DNAH14: variants seen among roughly 807,000 people sequenced by gnomAD.
The protein encoded by DNAH14 is axonemal beta dynein heavy chain 14.
DNAH14 carries 478 observed loss-of-function variants against 520.9 expected under a neutral mutation model. The observed-to-expected ratio is 0.92, with a 90% CI of 0.85 to 0.99. The LOEUF (loss-of-function observed/expected upper bound fraction) is 0.99. Among genes scored for constraint, DNAH14 ranks in the 50% least tolerant of loss-of-function variants. DNAH14 has a pLI of 0.00. For missense variants in DNAH14, 4,831 were observed against 5,234.5 expected (o/e 0.92, Z 2.38); for synonymous variants, 1,581 against 1,757.2 (o/e 0.90, Z 2.51).
At chr1:225,003,036 C>A in intron 9 of DNAH14, 109 bp downstream of exon 9, 1 of 1,004,186 alleles carries the variant, frequency 1.0e-6, no homozygotes, top group Non-Finnish European at 1.4e-6. Flanking sequence ...AATAAACCAT[C>A]TCTTTCGATT....
At chr1:225,058,524 A>C (rs566050471) in intron 17 of DNAH14, among the ~76,000 whole-genome samples, 3 of 152,082 alleles carry the variant, frequency 2.0e-5, no homozygotes, top group Admixed American at 6.5e-5. Context: ...TTGTGTCTCT[A>C]TGTCCTTCAT....
At chr1:225,089,017 ATTTAAT>A (rs2074078830) in intron 21 of DNAH14, among the ~76,000 whole-genome samples, 1 of 152,200 alleles carries the variant, frequency 6.6e-6, no homozygotes, top group Non-Finnish European at 1.5e-5. Flanking sequence ...TTTTTAAGGA[ATTTAAT>A]TTCATTTAAG....
At position 224,952,699 on chromosome 1, in the gene DNAH14, A is replaced by C. The variant is rs569798175; in HGVS notation, c.-4A>C. On this transcript the variant is annotated 5_prime_UTR_variant, in exon 2 of 86. Transcript: ENST00000682510. ...TTCCTTTATAGTTTTGTTCAGAAAA[A>C]CATATGGAGACGTTTATACCCATTG... is the stretch of plus-strand genomic sequence containing the variant. 1.9e-6 allele frequency: 3 copies of C among 1,572,984 alleles called. No individual in the cohort carries two copies. Among genetic ancestry groups the C allele is most frequent in the Non-Finnish European group, 2.6e-6 (3 of 1,165,198 alleles).
At chr1:225,024,435 C>A in intron 11 of DNAH14, 1 of 179,668 alleles carries the variant, frequency 5.6e-6, no homozygotes, top group Non-Finnish European at 1.1e-5. Context: ...TCTACTGTAA[C>A]TGGTGAAACA....
intron 46 of DNAH14, among the ~76,000 whole-genome samples, chr1:225,261,003 A>C (rs1289722826): frequency 6.6e-6 from 1 of 152,188 alleles, no homozygotes; most frequent in Non-Finnish European, 1.5e-5. Context: ...ATATCTTGCA[A>C]CTTTATTGCA....
chr1:225,166,528 T>A (rs1211418637), intron 35 of DNAH14, among the ~76,000 whole-genome samples: 1 of 152,220 alleles, frequency 6.6e-6, no homozygotes, highest in Non-Finnish European at 1.5e-5. Context: ...TTATTTAATG[T>A]TGCATTTTTG....
rs1044322349 is a variant in DNAH14, at chr1:224,953,352, C to T, written c.77+573C>T. Among the ~76,000 whole-genome samples, 7 of 152,012 alleles carry T rather than the reference C, an allele frequency of 4.6e-5. No homozygotes were observed. The East Asian group carries it at 1.4e-3, about 29-fold the overall frequency. ...TTTTGGCCAGGCTGGTCTTGAACACCTGACCTCGTGATCCACCCGCCTCGG... is the reference window on the plus strand; with the variant it reads ...TTTTGGCCAGGCTGGTCTTGAACACTTGACCTCGTGATCCACCCGCCTCGG... On this transcript the variant is annotated intron_variant, in intron 2 of 85. Transcript: ENST00000682510.
chr1:225,050,407 T>A, intron 16 of DNAH14, 31 bp downstream of exon 16: 1 of 1,514,124 alleles, frequency 6.6e-7, no homozygotes, highest in Non-Finnish European at 8.8e-7. Flanking sequence ...TTTTAGGAAA[T>A]GTTTAAGGAG....
chr1:225,383,119 GT>G (rs2095800656), intron 81 of DNAH14, among the ~76,000 whole-genome samples: 1 of 152,144 alleles, frequency 6.6e-6, no homozygotes, highest in South Asian at 2.1e-4. Context: ...GACTACAGTG[GT>G]AGTTGCACAA....
Position 225,127,268 on chromosome 1 carries a change from A to C in DNAH14, c.4254+3654A>C, listed in dbSNP as rs1437470684. ...GTTCAATTCCTGGATATCCTTGTTAACTTTCTGTCTCGTTGATCTGTCTAA... is the reference window on the plus strand; with the variant it reads ...GTTCAATTCCTGGATATCCTTGTTACCTTTCTGTCTCGTTGATCTGTCTAA... On this transcript the variant is annotated intron_variant, in intron 27 of 85. Coordinates refer to ENST00000682510, the MANE Select transcript of DNAH14 (RefSeq NM_001367479.1). 1.5e-4 allele frequency among the ~76,000 whole-genome samples: 23 copies of C among 151,736 alleles called. No homozygotes were observed. In the East Asian group the frequency reaches 4.4e-3, roughly 29 times the overall value.
At chr1:224,949,764 T>G (rs917890536) in intron 1 of DNAH14, among the ~76,000 whole-genome samples, 5 of 152,206 alleles carry the variant, frequency 3.3e-5, no homozygotes, top group East Asian at 1.9e-4. Context: ...TCTTCAAGAC[T>G]TAATACATTA....
intron 15 of DNAH14, among the ~76,000 whole-genome samples, chr1:225,045,480 CG>C (rs1247747138): frequency 6.6e-6 from 1 of 151,974 alleles, no homozygotes; most frequent in Non-Finnish European, 1.5e-5. Context: ...GATCTAATCC[CG>C]GATCACACAT....
At chr1:224,956,005 C>A (rs563930605) in intron 3 of DNAH14, among the ~76,000 whole-genome samples, 4 of 152,012 alleles carry the variant, frequency 2.6e-5, no homozygotes, top group Non-Finnish European at 5.9e-5. Context: ...CGTGGCTAAT[C>A]TTTATAAAAT....
intron 36 of DNAH14, among the ~76,000 whole-genome samples, chr1:225,169,165 C>T (rs1054665111): frequency 6.6e-6 from 1 of 152,042 alleles, no homozygotes; most frequent in Non-Finnish European, 1.5e-5. Context: ...TCATCAAAGA[C>T]CAAAGGTAGA....
chr1:225,217,247 G>C (rs71646708), intron 41 of DNAH14, among the ~76,000 whole-genome samples: 23,488 of 151,660 alleles, frequency 0.15, 2,145 homozygotes, highest in East Asian at 0.36. Context: ...ATGTTGCTGT[G>C]TGATCCTTCT....
At chr1:224,980,138 C>A (rs544545739) in intron 8 of DNAH14, among the ~76,000 whole-genome samples, 4 of 152,236 alleles carry the variant, frequency 2.6e-5, no homozygotes, top group South Asian at 2.1e-4. Context: ...TTGTCTTGCA[C>A]CTTAGGTACT....
chr1:224,933,305 A>G (rs976768443), intron 1 of DNAH14, among the ~76,000 whole-genome samples: 1 of 152,110 alleles, frequency 6.6e-6, no homozygotes, highest in African/African-American at 2.4e-5. Flanking sequence ...GAATTCATCT[A>G]TAAAATCTAA....
intron 29 of DNAH14, 119 bp downstream of exon 29, chr1:225,144,747 A>G (rs2149046434): frequency 1.3e-6 from 1 of 754,530 alleles, no homozygotes; most frequent in East Asian, 2.7e-5. Context: ...TAACAAGCAC[A>G]TTCATTAACT....
intron 66 of DNAH14, 45 bp downstream of exon 66, chr1:225,333,551 TA>T: frequency 6.7e-7 from 1 of 1,488,954 alleles, no homozygotes; most frequent in African/African-American, 1.4e-5. Context: ...TATTATTGTT[TA>T]TTTGGATTTT....
Sources: gnomAD v4.1 joint callset for allele counts (sites outside exome capture counted in the v4.1 genomes callset) on GRCh38, gnomAD v4.1.1 for gene constraint, MANE v1.5 for transcripts, NCBI Gene and HGNC (gene_info 2026-07-23, HGNC 2026-07-21) for gene names.